Variants in ZC3H3 observed in about 807,000 individuals in gnomAD.
ZC3H3 encodes the protein zinc finger CCCH-type containing 3.
A neutral mutation model predicts 77.3 loss-of-function variants in ZC3H3; 36 were observed. The ratio of observed to expected loss-of-function variants is 0.47; its 90% CI spans 0.36 to 0.61. The LOEUF (loss-of-function observed/expected upper bound fraction) is 0.61. Among genes scored for constraint, ZC3H3 ranks in the 20% least tolerant of loss-of-function variants. The pLI, the probability that ZC3H3 is intolerant of heterozygous loss-of-function variation, is 0.00. For missense variants in ZC3H3, 1,331 were observed against 1,312.2 expected (o/e 1.01, Z -0.22); for synonymous variants, 626 against 555.2 (o/e 1.13, Z -1.79).
At chr8:143,508,027 G>A (rs1586937797) in intron 3 of ZC3H3, 128 bp from the exon 4 acceptor site, 5 of 1,145,780 alleles carry the variant, frequency 4.4e-6, no homozygotes, top group South Asian at 1.8e-5. Flanking sequence ...CCATCGCCCC[G>A]TGGATAAAAC....
At chr8:143,474,174 G>A (rs942603384) in intron 5 of ZC3H3, among the ~76,000 whole-genome samples, 3 of 152,146 alleles carry the variant, frequency 2.0e-5, no homozygotes, top group Non-Finnish European at 2.9e-5. Flanking sequence ...CTCAAGGTAC[G>A]GGTGGGGAAG....
intron 11 of ZC3H3, among the ~76,000 whole-genome samples, chr8:143,438,846 G>A (rs1237553975): frequency 6.6e-6 from 1 of 152,172 alleles, no homozygotes; most frequent in Non-Finnish European, 1.5e-5. Flanking sequence ...GCTGAGTCGG[G>A]CCCAGCAGCC....
chr8:143,472,719 A>G (rs1820606823), intron 5 of ZC3H3, among the ~76,000 whole-genome samples: 2 of 152,192 alleles, frequency 1.3e-5, no homozygotes, highest in African/African-American at 4.8e-5. Flanking sequence ...GATCCCGGCG[A>G]GGGCTGAGAC....
intron 3 of ZC3H3, among the ~76,000 whole-genome samples, chr8:143,525,201 G>A (rs142587626): frequency 4.6e-5 from 7 of 152,316 alleles, no homozygotes; most frequent in East Asian, 1.9e-4. Flanking sequence ...TCCCAGCAGC[G>A]CTCGGCCTGC....
At chr8:143,439,381 T>G (rs931679477) in intron 11 of ZC3H3, among the ~76,000 whole-genome samples, 2 of 152,226 alleles carry the variant, frequency 1.3e-5, no homozygotes, top group Non-Finnish European at 2.9e-5. Flanking sequence ...GATAGCCGTA[T>G]GGTCGCAAAT....
chr8:143,507,252 C>T (rs563731937), intron 4 of ZC3H3, among the ~76,000 whole-genome samples: 3 of 152,150 alleles, frequency 2.0e-5, no homozygotes, highest in Admixed American at 1.3e-4. Context: ...GGTCAGAGTG[C>T]GAGTGGGGGC....
At chr8:143,512,109 C>A (rs1208649958) in intron 3 of ZC3H3, among the ~76,000 whole-genome samples, 1 of 152,252 alleles carries the variant, frequency 6.6e-6, no homozygotes, top group African/African-American at 2.4e-5. Context: ...ACCCACAGAA[C>A]AGGCCTGGGG....
intron 4 of ZC3H3, among the ~76,000 whole-genome samples, chr8:143,498,709 G>A (rs897664574): frequency 6.6e-6 from 1 of 151,094 alleles, no homozygotes; most frequent in African/African-American, 2.4e-5. Context: ...GGGGGCAGAG[G>A]GGTACAGGGC....
chr8:143,464,853 G>C (rs1316938351), intron 9 of ZC3H3, among the ~76,000 whole-genome samples: 1 of 152,140 alleles, frequency 6.6e-6, no homozygotes, highest in Non-Finnish European at 1.5e-5. Flanking sequence ...GAGGCCCCCA[G>C]CCTCAGCCAC....
intron 3 of ZC3H3, 68 bp downstream of exon 3, chr8:143,536,189 C>G (rs1049118513): frequency 6.6e-7 from 1 of 1,523,356 alleles, no homozygotes; most frequent in African/African-American, 1.4e-5. Context: ...CCCATGGCTC[C>G]TAACACGCCA....
intron 4 of ZC3H3, among the ~76,000 whole-genome samples, chr8:143,476,972 G>A (rs969787446): frequency 3.9e-5 from 6 of 152,236 alleles, no homozygotes; most frequent in African/African-American, 1.4e-4. Flanking sequence ...TTGTCTGGCT[G>A]GATGGGGCAG....
chr8:143,450,503 T>C (rs577200645), intron 9 of ZC3H3, among the ~76,000 whole-genome samples: 1 of 152,180 alleles, frequency 6.6e-6, no homozygotes, highest in African/African-American at 2.4e-5. Context: ...TTTATGAAGA[T>C]AAGAGGTTTA....
chr8:143,538,172 T>C lies in ZC3H3; in HGVS notation c.1195A>G (p.Ser399Gly), dbSNP rs1318196. 557,805 of 1,612,838 alleles carry C rather than the reference T, an allele frequency of 0.35. 99,765 individuals are homozygous for C. Among genetic ancestry groups the C allele is most frequent in the African/African-American group, 0.54 (40,540 of 74,980 alleles). Reference sequence around the variant, plus strand: ...AGCTGGGAGGCATGGTCCTTGCTGCTGGCCTCCGACTGCCAACGGAAGGAG... The same window carrying C: ...AGCTGGGAGGCATGGTCCTTGCTGCCGGCCTCCGACTGCCAACGGAAGGAG... ...SSSFRWQSEA[S>G]SKDHASQLSP... is the part of the protein sequence containing the mutation. The change falls in exon 2 of 12, where the codon AGC becomes GGC. Residue 399 changes from serine to glycine, a missense_variant. Physicochemically the swap from Ser to Gly is moderately conservative, Grantham distance 56. Transcript: ENST00000262577.
At position 143,523,268 on chromosome 8, in the gene ZC3H3, C is replaced by T. The variant is rs979682358; in HGVS notation, c.1561+12989G>A. ...CACACAACCCTCCAGGCTTGCTCCA[C>T]GTCCCCAGGGGCTATAGCAAAGACA... On this transcript the variant is annotated intron_variant, in intron 3 of 11. Coordinates refer to ENST00000262577, the MANE Select transcript of ZC3H3 (RefSeq NM_015117.3). 152 of 971,528 alleles carry T rather than the reference C, an allele frequency of 1.6e-4. 1 individual carries two copies. Among genetic ancestry groups the T allele is most frequent in the Admixed American group, 6.1e-4 (10 of 16,262 alleles). The allele number at this position is 971,528 out of a possible 1,614,324, so 60.2% of individuals were successfully genotyped here.
At position 143,536,309 on chromosome 8, in the gene ZC3H3, C is replaced by A. The variant is rs148273781; in HGVS notation, c.1509G>T (p.Thr503=). ...TCGGTGGCAGGCGACATAGTCGGTG[C>A]GTGGTGACCTGTACCAGGCCCTTGT... ...TPNKGLVQVT[T]HRLCRLPPSR... Residue 503 remains threonine, a synonymous_variant, in exon 3 of 12, where the codon ACG becomes ACT. Transcript: ENST00000262577. The A allele has an allele frequency of 1.2e-6, 2 of 1,611,946 alleles. No homozygotes were observed. Among genetic ancestry groups the A allele is most frequent in the African/African-American group, 1.3e-5 (1 of 74,912 alleles).
rs971811344 is a variant in ZC3H3, at chr8:143,533,620, C to T, written c.1561+2637G>A. Among the ~76,000 whole-genome samples the T allele has an allele frequency of 2.6e-5, 4 of 152,010 alleles. No individual in the cohort carries two copies. Among genetic ancestry groups the T allele is most frequent in the East Asian group, 1.9e-4 (1 of 5,186 alleles). ...GCCAGTGGTGGGCAAGTGAGTGGGA[C>T]GCCTTCCCCACCCCTTCCTCAGACA... On this transcript the variant is annotated intron_variant, in intron 3 of 11. Coordinates refer to ENST00000262577, the MANE Select transcript of ZC3H3 (RefSeq NM_015117.3). The surrounding 1 kb of genome is among the most constrained non-coding windows in gnomAD (Gnocchi z 4.0).
chr8:143,518,980 C>G (rs1822152371), intron 3 of ZC3H3, among the ~76,000 whole-genome samples: 1 of 152,236 alleles, frequency 6.6e-6, no homozygotes. Context: ...CGGGGTGCAG[C>G]CCCAGCAGCA....
intron 9 of ZC3H3, among the ~76,000 whole-genome samples, chr8:143,455,978 CAAA>C (rs58754874): frequency 9.8e-5 from 4 of 40,902 alleles, no homozygotes; most frequent in African/African-American, 3.7e-4. Flanking sequence ...GACTCTGTCT[CAAA>C]AAAAAAAAAA....
chr8:143,510,770 G>A (rs998927251), intron 3 of ZC3H3, among the ~76,000 whole-genome samples: 17 of 152,292 alleles, frequency 1.1e-4, no homozygotes, highest in African/African-American at 3.8e-4. Flanking sequence ...GTAGATAATC[G>A]TGTTATTTAG....
Sources: allele counts gnomAD v4.1 joint callset (sites outside exome capture counted in the v4.1 genomes callset), GRCh38; gene constraint gnomAD v4.1.1; non-coding constraint Gnocchi (gnomAD v3.1); transcripts MANE v1.5; gene names NCBI Gene and HGNC (gene_info 2026-07-23, HGNC 2026-07-21).